Variants in CHODL observed in about 807,000 individuals in gnomAD.
The protein encoded by CHODL is chondrolectin, also known as transmembrane protein MT75.
In CHODL, 29 loss-of-function variants were observed where a neutral mutation model predicts 34.5. The observed-to-expected ratio is 0.84, with a 90% CI of 0.63 to 1.15. The LOEUF is 1.15. Among genes scored for constraint, CHODL ranks in the 50% most tolerant of loss-of-function variants. The pLI, the probability that CHODL is intolerant of heterozygous loss-of-function variation, is 0.00. For missense variants in CHODL, 332 were observed against 332.5 expected (o/e 1.00, Z 0.01); for synonymous variants, 125 against 116.1 (o/e 1.08, Z -0.49).
chr21:18,180,424 A>G (rs1054234051), intron 2 of CHODL, among the ~76,000 whole-genome samples: 5 of 152,216 alleles, frequency 3.3e-5, no homozygotes, highest in African/African-American at 1.2e-4. Flanking sequence ...GATTATAGGC[A>G]TGAGCTACTG....
chr21:18,170,838 C>T (rs376022272), intron 2 of CHODL, among the ~76,000 whole-genome samples: 23 of 152,114 alleles, frequency 1.5e-4, no homozygotes, highest in African/African-American at 4.8e-4. Flanking sequence ...TTGTCTTTAA[C>T]TGAGACAGTT....
intron 1 of CHODL, among the ~76,000 whole-genome samples, chr21:18,248,097 T>C (rs2074166073): frequency 6.6e-6 from 1 of 151,914 alleles, no homozygotes; most frequent in Non-Finnish European, 1.5e-5. Flanking sequence ...GAATATTTCA[T>C]GGTGCTTCCA....
chr21:18,178,313 T>A (rs954383135), intron 2 of CHODL, among the ~76,000 whole-genome samples: 2 of 152,210 alleles, frequency 1.3e-5, no homozygotes, highest in Admixed American at 6.5e-5. Context: ...TATTTTCTGC[T>A]TTGCAGTAGT....
rs2074473396 is a variant in CHODL at position 18,267,114 on chromosome 21, GACAAGCACAGCACACA to G, written c.*1077_*1092del. ...GGTGAATAGTCACTATCAGTGTGGA[GACAAGCACAGCACACA>G]GACATTTTAGGAAGGAAAGGAACTA... On this transcript the variant is annotated 3_prime_UTR_variant, in exon 6 of 6. Transcript: ENST00000299295. 6.6e-6 allele frequency: 1 copy of G among 152,208 alleles called. No individual in the cohort carries two copies. The highest frequency in any genetic ancestry group is 1.5e-5 in the Non-Finnish European group (1 of 68,056). 9.4% of individuals were successfully genotyped at this position (152,208 alleles called of 1,614,324 possible).
intron 2 of CHODL, among the ~76,000 whole-genome samples, chr21:18,038,808 G>A (rs2064341460): frequency 6.6e-6 from 1 of 151,560 alleles, no homozygotes; most frequent in Non-Finnish European, 1.5e-5. Flanking sequence ...AAGATTTGGG[G>A]TATTTTAGAT....
intron 2 of CHODL, among the ~76,000 whole-genome samples, chr21:18,225,651 A>C (rs2073924523): frequency 6.6e-6 from 1 of 152,122 alleles, no homozygotes; most frequent in Non-Finnish European, 1.5e-5. Flanking sequence ...TATTTTAGTA[A>C]AAAATAATGG....
At chr21:18,206,453 A>G (rs1180430970) in intron 2 of CHODL, among the ~76,000 whole-genome samples, 2 of 151,692 alleles carry the variant, frequency 1.3e-5, no homozygotes, top group African/African-American at 2.4e-5. Context: ...AAGTATATCT[A>G]CTTCTGCTCT....
intron 2 of CHODL, among the ~76,000 whole-genome samples, chr21:18,028,166 T>C (rs1255210708): frequency 5.9e-5 from 9 of 152,112 alleles, no homozygotes; most frequent in Non-Finnish European, 1.3e-4. Flanking sequence ...TAGCTATCTC[T>C]GTTATTCCTT....
intron 2 of CHODL, among the ~76,000 whole-genome samples, chr21:18,187,829 T>C (rs1171007675): frequency 6.6e-6 from 1 of 152,174 alleles, no homozygotes; most frequent in Admixed American, 6.5e-5. Context: ...CATATAAACA[T>C]TTTTGTTATT....
chr21:18,023,103 A>T (rs965804494), intron 1 of CHODL, among the ~76,000 whole-genome samples: 1 of 152,190 alleles, frequency 6.6e-6, no homozygotes, highest in Non-Finnish European at 1.5e-5. Context: ...TCTGTCTAAG[A>T]ACACTTAAAG....
At chr21:18,043,439 C>T (rs955604659) in intron 2 of CHODL, among the ~76,000 whole-genome samples, 5 of 151,860 alleles carry the variant, frequency 3.3e-5, no homozygotes, top group Non-Finnish European at 7.4e-5. Flanking sequence ...TTGAGCATCT[C>T]GAACACAATA....
chr21:18,248,709 AATATATAC>A (rs2074183109), intron 1 of CHODL, among the ~76,000 whole-genome samples: 1 of 118,082 alleles, frequency 8.5e-6, no homozygotes, highest in African/African-American at 3.8e-5. Flanking sequence ...ATATGTATAT[AATATATAC>A]ATATATATGT....
chr21:18,100,289 T>C (rs2065197428), intron 2 of CHODL, among the ~76,000 whole-genome samples: 1 of 151,230 alleles, frequency 6.6e-6, no homozygotes, highest in Non-Finnish European at 1.5e-5. Context: ...TAATAGATGT[T>C]GAAGGTGGAA....
chr21:17,948,607 A>G (rs2063431690), intron 1 of CHODL, among the ~76,000 whole-genome samples: 1 of 152,136 alleles, frequency 6.6e-6, no homozygotes, highest in Non-Finnish European at 1.5e-5. Flanking sequence ...AAAGGATCAT[A>G]GGAGTCTATA....
chr21:18,074,174 A>G (rs1410396562), intron 2 of CHODL, among the ~76,000 whole-genome samples: 3 of 152,154 alleles, frequency 2.0e-5, no homozygotes, highest in Non-Finnish European at 4.4e-5. Context: ...CTAGTGATTG[A>G]GTGATGGAAA....
intron 1 of CHODL, among the ~76,000 whole-genome samples, chr21:17,960,137 C>A (rs1378058071): frequency 6.6e-6 from 1 of 152,118 alleles, no homozygotes; most frequent in Non-Finnish European, 1.5e-5. Context: ...CATGATACAG[C>A]AAATGAGGGG....
chr21:18,028,197 C>T (rs1249333240), intron 2 of CHODL, among the ~76,000 whole-genome samples: 2 of 150,482 alleles, frequency 1.3e-5, no homozygotes, highest in East Asian at 2.0e-4. Context: ...CTTATTATTT[C>T]CTTTAGCTCT....
intron 1 of CHODL, among the ~76,000 whole-genome samples, chr21:18,000,861 C>T (rs2063898564): frequency 6.6e-6 from 1 of 152,138 alleles, no homozygotes; most frequent in Non-Finnish European, 1.5e-5. Flanking sequence ...ACTTTCAGAA[C>T]AGCTTTTTCT....
At chr21:18,162,698 A>G (rs1052713086) in intron 2 of CHODL, among the ~76,000 whole-genome samples, 2 of 152,182 alleles carry the variant, frequency 1.3e-5, no homozygotes, top group Non-Finnish European at 2.9e-5. Context: ...TTAAACTTCA[A>G]TTAAATAGAA....
Sources: allele counts gnomAD v4.1 joint callset (sites outside exome capture counted in the v4.1 genomes callset), GRCh38; gene constraint gnomAD v4.1.1; transcripts MANE v1.5; gene names NCBI Gene and HGNC (gene_info 2026-07-23, HGNC 2026-07-21).